CDC5L: variants seen among roughly 807,000 people sequenced by gnomAD.
CDC5L encodes cell division cycle 5 like, also known as cell division cycle 5-like protein.
In CDC5L, 18 loss-of-function variants were observed where a neutral mutation model predicts 104.1. The observed-to-expected ratio is 0.17, with a 90% CI of 0.12 to 0.26. The LOEUF (loss-of-function observed/expected upper bound fraction) is 0.26. Among genes scored for constraint, CDC5L ranks in the 10% least tolerant of loss-of-function variants. The pLI is 1.00. For missense variants in CDC5L, 673 were observed against 956.9 expected, an observed-to-expected ratio of 0.70 and a Z score of 3.91; for synonymous variants, 331 against 322.7, an observed-to-expected ratio of 1.03 and a Z score of -0.28.
At chr6:44,433,354 A>G (rs759897884) in intron 14 of CDC5L, among the ~76,000 whole-genome samples, 2 of 152,216 alleles carry the variant, frequency 1.3e-5, no homozygotes, top group Non-Finnish European at 2.9e-5. Context: ...GGAAGTGCAA[A>G]TAGAATTTTA....
chr6:44,418,661 T>A (rs1792012042), intron 8 of CDC5L, among the ~76,000 whole-genome samples: 1 of 151,518 alleles, frequency 6.6e-6, no homozygotes, highest in Non-Finnish European at 1.5e-5. Flanking sequence ...AGCACCTGTT[T>A]CCTGACTTTT....
At chr6:44,421,033 G>A (rs1023703938) in intron 9 of CDC5L, among the ~76,000 whole-genome samples, 4 of 152,078 alleles carry the variant, frequency 2.6e-5, no homozygotes, top group Non-Finnish European at 5.9e-5. Flanking sequence ...TGCCGTTCCC[G>A]AATAAACTCT....
chr6:44,417,380 G>A (rs1462582833), intron 8 of CDC5L, among the ~76,000 whole-genome samples: 1 of 152,176 alleles, frequency 6.6e-6, no homozygotes, highest in African/African-American at 2.4e-5. Context: ...TCCACTGTGA[G>A]TGCGGTGGGA....
At chr6:44,402,829 C>A (rs1005951389) in intron 5 of CDC5L, among the ~76,000 whole-genome samples, 1 of 152,100 alleles carries the variant, frequency 6.6e-6, no homozygotes, top group Non-Finnish European at 1.5e-5. Context: ...CTTTCCATAT[C>A]AGAGTAGATT....
intron 9 of CDC5L, among the ~76,000 whole-genome samples, chr6:44,422,281 C>T (rs1441844859): frequency 1.3e-5 from 2 of 152,164 alleles, no homozygotes; most frequent in Admixed American, 6.5e-5. Context: ...CAAATATACA[C>T]AAAACTCAAA....
At chr6:44,418,202 G>GT (rs1791990415) in intron 8 of CDC5L, among the ~76,000 whole-genome samples, 1 of 151,610 alleles carries the variant, frequency 6.6e-6, no homozygotes, top group South Asian at 2.1e-4. Flanking sequence ...GTGTCCATGT[G>GT]TTCTCATTGT....
chr6:44,398,746 T>C (rs574364163), intron 5 of CDC5L, among the ~76,000 whole-genome samples: 7 of 152,360 alleles, frequency 4.6e-5, no homozygotes, highest in African/African-American at 1.7e-4. Flanking sequence ...TTGAAGTCCT[T>C]ATTTCCATTA....
At chr6:44,390,050 G>A (rs1440100187) in intron 1 of CDC5L, among the ~76,000 whole-genome samples, 1 of 152,156 alleles carries the variant, frequency 6.6e-6, no homozygotes, top group East Asian at 1.9e-4. Context: ...GTAAGGGTGG[G>A]TAGCTGTCTT....
intron 14 of CDC5L, among the ~76,000 whole-genome samples, chr6:44,434,654 G>A (rs1459478174): frequency 6.6e-6 from 1 of 152,204 alleles, no homozygotes; most frequent in Non-Finnish European, 1.5e-5. Context: ...AAGAGTTTCA[G>A]TGAGGGGTGC....
chr6:44,414,406 G>C (rs1477612609), intron 8 of CDC5L, among the ~76,000 whole-genome samples: 122 of 150,532 alleles, frequency 8.1e-4, no homozygotes, highest in African/African-American at 2.9e-3. Context: ...GTGTGTGTGT[G>C]TGTGTGTGTG....
intron 1 of CDC5L, 70 bp downstream of exon 1, chr6:44,387,938 G>T: frequency 6.8e-7 from 1 of 1,471,956 alleles, no homozygotes; most frequent in South Asian, 1.2e-5. Flanking sequence ...GCGCGCGGAG[G>T]TCGGGGGGGC....
intron 11 of CDC5L, among the ~76,000 whole-genome samples, chr6:44,424,835 TC>T (rs1457256025): frequency 6.6e-6 from 1 of 152,228 alleles, no homozygotes; most frequent in Admixed American, 6.5e-5. Flanking sequence ...TCATTATGCT[TC>T]TCTAAAATAC....
chr6:44,423,890 G>A (rs1034566753), intron 10 of CDC5L, among the ~76,000 whole-genome samples: 34 of 152,044 alleles, frequency 2.2e-4, no homozygotes, highest in Non-Finnish European at 3.5e-4. Context: ...GTTAACTTTC[G>A]GTGTCAGAAA....
intron 1 of CDC5L, among the ~76,000 whole-genome samples, chr6:44,388,674 T>G (rs1439135894): frequency 2.1e-5 from 3 of 145,704 alleles, no homozygotes; most frequent in Admixed American, 1.4e-4. Context: ...TTTTATGGCT[T>G]CTTTTTTTTT....
intron 8 of CDC5L, among the ~76,000 whole-genome samples, chr6:44,415,082 A>C (rs1295709411): frequency 6.6e-6 from 1 of 152,104 alleles, no homozygotes; most frequent in Non-Finnish European, 1.5e-5. Context: ...AAATCAATTG[A>C]CCATTAATGT....
chr6:44,391,492 T>C (rs991174139), intron 2 of CDC5L, among the ~76,000 whole-genome samples: 4 of 151,914 alleles, frequency 2.6e-5, no homozygotes, highest in African/African-American at 7.3e-5. Flanking sequence ...TCGTGATCCA[T>C]CCACCTCGGC....
At chr6:44,400,178 A>G (rs1396759286) in intron 5 of CDC5L, among the ~76,000 whole-genome samples, 1 of 151,848 alleles carries the variant, frequency 6.6e-6, no homozygotes, top group Non-Finnish European at 1.5e-5. Context: ...GCTACTTTCA[A>G]GTTTGTTAAT....
At chr6:44,431,455 C>G (rs2153382564) in intron 14 of CDC5L, among the ~76,000 whole-genome samples, 1 of 152,280 alleles carries the variant, frequency 6.6e-6, no homozygotes, top group Non-Finnish European at 1.5e-5. Context: ...GATCTAATAT[C>G]AGCATCATCA....
intron 3 of CDC5L, 117 bp downstream of exon 3, chr6:44,392,945 G>A: frequency 2.6e-6 from 2 of 760,172 alleles, no homozygotes; most frequent in Non-Finnish European, 4.1e-6. Context: ...TAAACCCAAA[G>A]CTAAAGCCAT....
Sources: allele counts gnomAD v4.1 joint callset (sites outside exome capture counted in the v4.1 genomes callset), GRCh38; gene constraint gnomAD v4.1.1; transcripts MANE v1.5; gene names NCBI Gene and HGNC (gene_info 2026-07-23, HGNC 2026-07-21).